Variants in PRUNE2 observed in about 807,000 individuals in gnomAD.
PRUNE2 encodes prune homolog 2 with BCH domain.
PRUNE2 carries 164 observed loss-of-function variants against 252.0 expected under a neutral mutation model. The ratio of observed to expected loss-of-function variants is 0.65; its 90% CI spans 0.57 to 0.74. The LOEUF (loss-of-function observed/expected upper bound fraction) is 0.74, where lower values mean the gene tolerates loss of function less well. Ranked by LOEUF, PRUNE2 falls within the 30% of genes least tolerant of loss-of-function variation. PRUNE2 has a pLI of 0.00. For missense variants in PRUNE2, 3,495 were observed against 3,711.0 expected, an observed-to-expected ratio of 0.94 and a Z score of 1.51; for synonymous variants, 1,292 against 1,350.2, an observed-to-expected ratio of 0.96 and a Z score of 0.94.
In PRUNE2 at chr9:76,706,657, G is replaced by A. The variant is rs2046336899; in HGVS notation, c.5617C>T (p.Gln1873Ter). The A allele has an allele frequency of 1.2e-6, 2 of 1,613,678 alleles. No homozygotes were observed. Among genetic ancestry groups the A allele is most frequent in the Admixed American group, 3.3e-5 (2 of 59,970 alleles). Reference protein sequence around the residue: ...QNASPWGVPVQGDIEPVETHY... With the variant: ...QNASPWGVPV ...GTTTCCACGGGCTCAATATCACCCT[G>A]AACTGGTACTCCCCAGGGACTGGCA... is the stretch of plus-strand genomic sequence containing the variant. The change falls in exon 8 of 19, where the codon CAG (glutamine) becomes TAG (stop). Residue 1873 changes from glutamine to a stop codon, truncating the protein, a stop_gained. Coordinates refer to ENST00000376718, the MANE Select transcript of PRUNE2 (RefSeq NM_015225.3). LOFTEE classifies it high-confidence loss of function.
intron 1 of PRUNE2, chr9:76,863,264 C>T (rs566287338): frequency 6.6e-6 from 1 of 152,044 alleles, no homozygotes; most frequent in South Asian, 2.1e-4. Flanking sequence ...ATTTACCTTC[C>T]CATCCATAAA....
At chr9:76,847,059 G>A (rs1650663126) in intron 3 of PRUNE2, among the ~76,000 whole-genome samples, 1 of 152,120 alleles carries the variant, frequency 6.6e-6, no homozygotes, top group African/African-American at 2.4e-5. Flanking sequence ...GGGCGCGGTG[G>A]CTCACAACTG....
chr9:76,707,785 C>A lies in PRUNE2; in HGVS notation c.4489G>T (p.Asp1497Tyr). ...GTGCTGCTGACATGCACATCACTGTCTATAGGGACGTCCCCAAAATCAAGA... is the reference window on the plus strand; with the variant it reads ...GTGCTGCTGACATGCACATCACTGTATATAGGGACGTCCCCAAAATCAAGA... The part of the protein sequence containing the change: ...RSLDFGDVPI[D>Y]SDVHVSSTCS... The change falls in exon 8 of 19, where the codon GAC becomes TAC. Residue 1497 changes from aspartate to tyrosine, a missense_variant. Physicochemically the swap from Asp to Tyr is radical, Grantham distance 160. Transcript: ENST00000376718. The A allele has an allele frequency of 6.2e-7, 1 of 1,613,394 alleles. No homozygotes were observed. Among genetic ancestry groups the A allele is most frequent in the Non-Finnish European group, 8.5e-7 (1 of 1,179,610 alleles).
chr9:76,641,213 T>C (rs1447526437), intron 12 of PRUNE2, among the ~76,000 whole-genome samples: 1 of 151,990 alleles, frequency 6.6e-6, no homozygotes, highest in Non-Finnish European at 1.5e-5. Flanking sequence ...TAAATGAAAA[T>C]GAAAATTTAT....
intron 9 of PRUNE2, among the ~76,000 whole-genome samples, chr9:76,690,472 A>C (rs1415385742): frequency 6.6e-6 from 1 of 152,224 alleles, no homozygotes; most frequent in Non-Finnish European, 1.5e-5. Flanking sequence ...CAAACCCTGC[A>C]CCTTGTCCTC....
At position 76,707,404 on chromosome 9, in the gene PRUNE2, T is replaced by A. The variant is rs921134508; in HGVS notation, c.4870A>T (p.Ile1624Phe). 8.1e-6 allele frequency: 13 copies of A among 1,613,972 alleles called. No homozygotes were observed. The highest frequency in any genetic ancestry group is 1.0e-5 in the Non-Finnish European group (12 of 1,179,844). Residue 1624 changes from isoleucine to phenylalanine, a missense_variant, in exon 8 of 19, where the codon ATC (isoleucine) becomes TTC (phenylalanine). Transcript: ENST00000376718. ...FDRKTPTFLE[I>F]WNDSVDGDSF... is the part of the protein sequence containing the mutation. The stretch of plus-strand genomic sequence containing the variant: ...TCACCATCAACTGAGTCATTCCAGA[T>A]CTCTAAAAATGTAGGAGTTTTGCGA...
Position 76,710,708 on chromosome 9 carries a change from G to T in PRUNE2, c.1566C>A (p.Phe522Leu). 1 of 1,612,832 alleles carries T rather than the reference G, an allele frequency of 6.2e-7. No homozygotes were observed. The highest frequency in any genetic ancestry group is 8.5e-7 in the Non-Finnish European group (1 of 1,179,418). The part of the protein sequence containing the change: ...SADYSPADDF[F>L]PNSDLSEGQL... The stretch of plus-strand genomic sequence containing the variant: ...GTCCTTCTGACAGGTCACTGTTGGG[G>T]AAGAAGTCATCTGCTGGGGAGTAGT... Residue 522 changes from phenylalanine (F) to leucine (L), a missense_variant, in exon 8 of 19, where the codon TTC (phenylalanine) becomes TTA (leucine). Transcript: ENST00000376718.
chr9:76,750,004 TGGTGGGCTTCTG>T (rs1266732862), intron 6 of PRUNE2, among the ~76,000 whole-genome samples: 2 of 152,042 alleles, frequency 1.3e-5, no homozygotes, highest in African/African-American at 4.8e-5. Context: ...AGATGACACT[TGGTGGGCTTCTG>T]GGTGGGCTTC....
chr9:76,775,860 G>C (rs2053676062), intron 6 of PRUNE2, among the ~76,000 whole-genome samples: 1 of 152,078 alleles, frequency 6.6e-6, no homozygotes, highest in Non-Finnish European at 1.5e-5. Flanking sequence ...CTTTAGCTCG[G>C]ACCAACACCA....
intron 6 of PRUNE2, among the ~76,000 whole-genome samples, chr9:76,763,454 G>A (rs1006345007): frequency 6.6e-6 from 1 of 152,182 alleles, no homozygotes; most frequent in African/African-American, 2.4e-5. Context: ...TGAATTAGAC[G>A]CAACTACTCT....
chr9:76,834,420 A>G (rs1255979881), intron 4 of PRUNE2, among the ~76,000 whole-genome samples: 1 of 152,246 alleles, frequency 6.6e-6, no homozygotes, highest in Admixed American at 6.5e-5. Flanking sequence ...ATACAAAATT[A>G]CCTGTATTTC....
At chr9:76,631,442 C>G (rs889170112) in intron 15 of PRUNE2, among the ~76,000 whole-genome samples, 5 of 152,216 alleles carry the variant, frequency 3.3e-5, no homozygotes, top group Non-Finnish European at 7.3e-5. Flanking sequence ...GAGGGAAGGC[C>G]TCCTTCTGCA....
chr9:76,617,277 G>T (rs759188670), intron 18 of PRUNE2, among the ~76,000 whole-genome samples: 2 of 152,150 alleles, frequency 1.3e-5, no homozygotes, highest in Non-Finnish European at 2.9e-5. Context: ...GAAAATGAGA[G>T]GCCACTACGA....
At chr9:76,895,179 G>A (rs983544924) in intron 1 of PRUNE2, among the ~76,000 whole-genome samples, 7 of 152,126 alleles carry the variant, frequency 4.6e-5, no homozygotes, top group African/African-American at 1.7e-4. Flanking sequence ...AGAATTGCAA[G>A]GCCATCAGCA....
At chr9:76,790,714 G>C (rs2055467792) in intron 6 of PRUNE2, among the ~76,000 whole-genome samples, 1 of 152,216 alleles carries the variant, frequency 6.6e-6, no homozygotes, top group African/African-American at 2.4e-5. Context: ...TGCCATAAAT[G>C]AGACCTGCTG....
intron 4 of PRUNE2, among the ~76,000 whole-genome samples, chr9:76,828,326 G>GT (rs2058463415): frequency 6.6e-6 from 1 of 152,194 alleles, no homozygotes; most frequent in African/African-American, 2.4e-5. Flanking sequence ...CAGGTAGATG[G>GT]TATGATTTTA....
chr9:76,815,139 G>A (rs1397064990), intron 6 of PRUNE2, among the ~76,000 whole-genome samples: 4 of 152,052 alleles, frequency 2.6e-5, no homozygotes, highest in Admixed American at 2.0e-4. Context: ...ATATACCCCC[G>A]CCCCAATCTT....
chr9:76,645,055 C>T (rs1442043667), intron 11 of PRUNE2, 146 bp from the exon 12 acceptor site: 93 of 687,396 alleles, frequency 1.4e-4, no homozygotes. Context: ...TGATCAAAGT[C>T]CTTGTTTTGT....
chr9:76,875,711 C>G (rs966280743), intron 1 of PRUNE2, among the ~76,000 whole-genome samples: 17 of 152,192 alleles, frequency 1.1e-4, no homozygotes, highest in Non-Finnish European at 1.9e-4. Context: ...TCAAGATGTT[C>G]TCTGCACATA....
Sources: gnomAD v4.1 joint callset for allele counts (sites outside exome capture counted in the v4.1 genomes callset) on GRCh38, gnomAD v4.1.1 for gene constraint, MANE v1.5 for transcripts, NCBI Gene and HGNC (gene_info 2026-07-23, HGNC 2026-07-21) for gene names.